The following LMO1 variants were observed in gnomAD, a reference collection of about 807,000 sequenced individuals.
LMO1 encodes rhombotin-1.
LMO1 carries 10 observed loss-of-function variants against 18.0 expected under a neutral mutation model. The ratio of observed to expected loss-of-function variants is 0.55; its 90% CI spans 0.34 to 0.94. The LOEUF (loss-of-function observed/expected upper bound fraction) is 0.94, where lower values mean the gene tolerates loss of function less well. Ranked by LOEUF, LMO1 falls within the 40% of genes least tolerant of loss-of-function variation. The pLI is 0.02. For synonymous variants in LMO1, 77 were observed against 77.9 expected, an observed-to-expected ratio of 0.99 and a Z score of 0.06; for missense variants, 183 against 205.7, an observed-to-expected ratio of 0.89 and a Z score of 0.68.
At chr11:8,267,418 C>A (rs2134597440), upstream of LMO1, among the ~76,000 whole-genome samples, 2 of 152,338 alleles carry the variant, frequency 1.3e-5, no homozygotes, top group Middle Eastern at 6.8e-3. Flanking sequence ...CCTTTCCCTG[C>A]AGCCCAGAAG....
In LMO1 at chr11:8,263,591, C is replaced by T. The variant is rs1847227708; in HGVS notation, c.-229G>A. The T allele has an allele frequency of 7.3e-7, 1 of 1,368,750 alleles. No individual in the cohort carries two copies. Among genetic ancestry groups the T allele is most frequent in the African/African-American group, 1.5e-5 (1 of 65,794 alleles). The allele number at this position is 1,368,750 out of a possible 1,614,324, so 84.8% of individuals were successfully genotyped here. A position where few individuals can be genotyped will look rare whatever the true frequency, so the allele number is the denominator to read the frequency against. ...TTTTGTGCCTCAGAATTGGAAGGAA[C>T]TACGAACTGCAATTTAGAGAGAGAG... On this transcript the variant is annotated 5_prime_UTR_variant, in exon 1 of 4. Transcript: ENST00000335790.
chr11:8,259,518 G>A (rs1306182295), intron 1 of LMO1, among the ~76,000 whole-genome samples: 9 of 152,212 alleles, frequency 5.9e-5, no homozygotes, highest in Non-Finnish European at 8.8e-5. Flanking sequence ...CTGGGCAAGT[G>A]CACAATTTGG....
intron 1 of LMO1, among the ~76,000 whole-genome samples, chr11:8,258,304 A>G (rs766172502): frequency 2.0e-5 from 3 of 152,206 alleles, no homozygotes; most frequent in Non-Finnish European, 4.4e-5. Flanking sequence ...ATATGGGGGC[A>G]CAGCTCTGGA....
At chr11:8,224,844 T>G in intron 3 of LMO1, 123 bp from the exon 4 acceptor site, 8 of 667,562 alleles carry the variant, frequency 1.2e-5, no homozygotes, top group Non-Finnish European at 1.6e-5. Context: ...GGGGAGTTTG[T>G]TCCTTGAACC....
intron 1 of LMO1, among the ~76,000 whole-genome samples, chr11:8,251,798 G>A (rs1048782748): frequency 6.6e-6 from 1 of 151,502 alleles, no homozygotes; most frequent in Non-Finnish European, 1.5e-5. Flanking sequence ...GGTGTGGAGT[G>A]CGTGTGTGAG....
At chr11:8,267,949 C>T (rs1237797592), upstream of LMO1, among the ~76,000 whole-genome samples, 1 of 152,222 alleles carries the variant, frequency 6.6e-6, no homozygotes, top group African/African-American at 2.4e-5. Context: ...CACCCTCACC[C>T]CTGCACCTGC....
intron 1 of LMO1, among the ~76,000 whole-genome samples, chr11:8,255,649 G>A (rs1847078772): frequency 6.6e-6 from 1 of 152,188 alleles, no homozygotes; most frequent in African/African-American, 2.4e-5. Context: ...CTCCAGATGT[G>A]AGTGAGCCCA....
intron 1 of LMO1, among the ~76,000 whole-genome samples, chr11:8,243,706 G>C (rs1262867610): frequency 6.6e-6 from 1 of 152,246 alleles, no homozygotes; most frequent in Non-Finnish European, 1.5e-5. Context: ...ACCCAGGTGA[G>C]GTGGACAAGG....
At chr11:8,236,638 C>T (rs1414446673) in intron 1 of LMO1, among the ~76,000 whole-genome samples, 1 of 152,098 alleles carries the variant, frequency 6.6e-6, no homozygotes. Context: ...CATGCAGACA[C>T]TCGCCACACA....
In LMO1 at chr11:8,241,769, T is replaced by A. The variant is rs569711325; in HGVS notation, c.26-11265A>T. The stretch of plus-strand genomic sequence containing the variant: ...TTTTCATCACAATTTGTAATTGTTT[T>A]ACTTTTCTGTGAGTTTCAAAAAAAA... On this transcript the variant is annotated intron_variant, in intron 1 of 3. Transcript: ENST00000335790. Among the ~76,000 whole-genome samples the A allele has an allele frequency of 6.0e-5, 9 of 150,816 alleles. No homozygotes were observed. In the South Asian group the frequency reaches 8.4e-4, roughly 14 times the overall value.
chr11:8,264,930 C>T (rs1328216254), upstream of LMO1, among the ~76,000 whole-genome samples: 2 of 152,118 alleles, frequency 1.3e-5, no homozygotes, highest in Non-Finnish European at 2.9e-5. Context: ...TGCGCCTGGC[C>T]GGAAGGCCAC....
intron 1 of LMO1, among the ~76,000 whole-genome samples, chr11:8,259,005 AC>A (rs1847143094): frequency 6.6e-6 from 1 of 152,212 alleles, no homozygotes; most frequent in Non-Finnish European, 1.5e-5. Context: ...TGACTGCATT[AC>A]ACGCTCCCGT....
At chr11:8,240,328 T>C (rs1170021419) in intron 1 of LMO1, among the ~76,000 whole-genome samples, 4 of 152,204 alleles carry the variant, frequency 2.6e-5, no homozygotes, top group Non-Finnish European at 5.9e-5. Context: ...TTAGGAATAC[T>C]GCATCTAAAG....
intron 1 of LMO1, 41 bp from the exon 2 acceptor site, chr11:8,230,545 G>A (rs368647000): frequency 6.6e-5 from 104 of 1,575,110 alleles, no homozygotes; most frequent in Middle Eastern, 5.4e-4. Context: ...GATGGGCCCC[G>A]TAGCTCTGGG....
chr11:8,230,388 A>C lies in LMO1; in HGVS notation c.142T>G (p.Cys48Gly). ...CAGTCACAGCAGGCACACTTGAGGC[A>C]GTCTTCGTGCCAGTACTTGTCCAAT... The part of the protein sequence containing the change: ...KALDKYWHED[C>G]LKCACCDCRL... Residue 48 changes from cysteine (C) to glycine (G), a missense_variant, in exon 2 of 4, where the codon TGC becomes GGC. Coordinates refer to ENST00000335790, the MANE Select transcript of LMO1 (RefSeq NM_002315.3). 1.2e-6 allele frequency: 2 copies of C among 1,614,096 alleles called. No homozygotes were observed. The highest frequency in any genetic ancestry group is 1.7e-6 in the Non-Finnish European group (2 of 1,179,902).
intron 1 of LMO1, among the ~76,000 whole-genome samples, chr11:8,236,619 C>G (rs1487451232): frequency 6.6e-6 from 1 of 151,988 alleles, no homozygotes; most frequent in African/African-American, 2.4e-5. Context: ...TTAGAAGACA[C>G]ACGGAGAGCA....
intron 1 of LMO1, among the ~76,000 whole-genome samples, chr11:8,249,651 G>A (rs1242533079): frequency 2.0e-5 from 3 of 152,124 alleles, no homozygotes; most frequent in Non-Finnish European, 4.4e-5. Flanking sequence ...CCTACCCACG[G>A]CCTGCAAGGC....
At chr11:8,266,627 T>C (rs1847264176), upstream of LMO1, among the ~76,000 whole-genome samples, 3 of 152,228 alleles carry the variant, frequency 2.0e-5, no homozygotes, top group Admixed American at 1.3e-4. Flanking sequence ...ACTGGCTGTC[T>C]TACAAATATC....
At chr11:8,237,652 G>C (rs572680279) in intron 1 of LMO1, among the ~76,000 whole-genome samples, 85 of 152,376 alleles carry the variant, frequency 5.6e-4, no homozygotes, top group Middle Eastern at 3.4e-3. Flanking sequence ...ATGAGGGAGA[G>C]AGGCAGGGGC....
Sources: allele counts gnomAD v4.1 joint callset (sites outside exome capture counted in the v4.1 genomes callset), GRCh38; gene constraint gnomAD v4.1.1; transcripts MANE v1.5; gene names NCBI Gene and HGNC (gene_info 2026-07-23, HGNC 2026-07-21).